Variants in ABCA4 observed in about 807,000 individuals in gnomAD.
ABCA4 encodes ATP binding cassette subfamily A member 4.
ABCA4 carries 196 observed loss-of-function variants against 263.7 expected under a neutral mutation model. The ratio of observed to expected loss-of-function variants is 0.74; its 90% CI spans 0.66 to 0.84. The LOEUF is 0.84. Ranked by LOEUF, ABCA4 falls within the 40% of genes least tolerant of loss-of-function variation. The pLI is 0.00. For synonymous variants in ABCA4, 1,133 were observed against 1,094.2 expected (o/e 1.04, Z -0.70); for missense variants, 2,792 against 2,855.1 (o/e 0.98, Z 0.50).
chr1:94,044,581 G>T lies in ABCA4; in HGVS notation c.3050+32C>A, dbSNP rs947813471. 1.5e-5 allele frequency: 24 copies of T among 1,614,188 alleles called. No homozygotes were observed. The East Asian group carries it at 5.1e-4, about 34-fold the overall frequency. ...GCTGGGGGCAGAGGTGAGGAGAGGG[G>T]ATGGGGCGGTCTCAGTTCCTGTGTC... On this transcript the variant is annotated intron_variant, in intron 20 of 49. Coordinates refer to ENST00000370225, the MANE Select transcript of ABCA4 (RefSeq NM_000350.3).
At chr1:93,996,062 GC>G (rs1658990006) in intron 49 of ABCA4, 46 bp downstream of exon 49, 2 of 1,571,444 alleles carry the variant, frequency 1.3e-6, no homozygotes, top group South Asian at 2.2e-5. Flanking sequence ...TGGGCTCTGA[GC>G]CAAGGAACTG....
intron 30 of ABCA4, among the ~76,000 whole-genome samples, chr1:94,027,811 C>A (rs1387853300): frequency 1.3e-5 from 2 of 152,172 alleles, no homozygotes; most frequent in Non-Finnish European, 2.9e-5. Context: ...AGCACATGTG[C>A]ACACTCTGCC....
intron 40 of ABCA4, among the ~76,000 whole-genome samples, chr1:94,010,339 TG>T (rs56664345): frequency 0.13 from 19,001 of 151,994 alleles, 1,178 homozygotes; most frequent in African/African-American, 0.14. Flanking sequence ...CCTCCAGGAG[TG>T]GGGGGTCGTG....
At chr1:94,050,726 T>C (rs886534586) in intron 17 of ABCA4, among the ~76,000 whole-genome samples, 1 of 152,004 alleles carries the variant, frequency 6.6e-6, no homozygotes, top group African/African-American at 2.4e-5. Flanking sequence ...GAAAAAATCC[T>C]GAGCTGTTAA....
chr1:94,063,255 G>C lies in ABCA4; in HGVS notation c.1617C>G (p.Leu539=), dbSNP rs778990662. The C allele has an allele frequency of 6.2e-7, 1 of 1,614,198 alleles. No homozygotes were observed. The part of the protein sequence containing the change: ...NDETQLTQRA[L]SLLEENMFWA... ...AGAACATGTTTTCCTCCAGTAGAGA[G>C]AGGGCACGTTGGGTGAGCTGAGTTT... The change falls in exon 12 of 50, where the codon CTC becomes CTG. Residue 539 remains leucine (L), a synonymous_variant. Coordinates refer to ENST00000370225, the MANE Select transcript of ABCA4 (RefSeq NM_000350.3).
At chr1:94,083,307 G>T in intron 7 of ABCA4, 45 bp downstream of exon 7, 1 of 1,443,048 alleles carries the variant, frequency 6.9e-7, no homozygotes, top group Non-Finnish European at 9.7e-7. Flanking sequence ...GGTAAATGGT[G>T]GAAAGACATA....
At chr1:94,117,521 T>A (rs970563647) in intron 1 of ABCA4, among the ~76,000 whole-genome samples, 1 of 152,110 alleles carries the variant, frequency 6.6e-6, no homozygotes, top group African/African-American at 2.4e-5. Context: ...GATGAAGGGA[T>A]GACACCAAGA....
At chr1:94,089,576 G>A (rs1174207451) in intron 6 of ABCA4, among the ~76,000 whole-genome samples, 1 of 150,906 alleles carries the variant, frequency 6.6e-6, no homozygotes, top group East Asian at 2.0e-4. Flanking sequence ...TGATTCTCCT[G>A]CTTCAGCCAC....
At position 94,036,795 on chromosome 1, in the gene ABCA4, A is replaced by G. The variant is rs1444153354; in HGVS notation, c.3814-7T>C. On this transcript the variant is annotated splice_polypyrimidine_tract_variant and splice_region_variant and intron_variant, in intron 25 of 49. Transcript: ENST00000370225. ...CCGTGACCTTCAGAAAAATCTGTCA[A>G]GAAGAAAAAAAGAGAGAATTTTGTT... is the stretch of plus-strand genomic sequence containing the variant. The G allele has an allele frequency of 6.2e-7, 1 of 1,613,856 alleles. No individual in the cohort carries two copies. The highest frequency in any genetic ancestry group is 2.2e-5 in the East Asian group (1 of 44,896).
In ABCA4 at chr1:94,007,709, C is replaced by T. The variant is rs867079318; in HGVS notation, c.5930G>A (p.Gly1977Asp). The T allele has an allele frequency of 6.2e-7, 1 of 1,614,006 alleles. No homozygotes were observed. The highest frequency in any genetic ancestry group is 1.7e-5 in the Admixed American group (1 of 60,018). Residue 1977 changes from glycine (G) to aspartate (D), a missense_variant, in exon 43 of 50, where the codon GGC becomes GAC. Transcript: ENST00000370225. ...GAGCATCTTGAATGTGGTTGTTTTG[C>T]CGGCACCATTCACTCCCAGGAGGCC... ...CFGLLGVNGA[G>D]KTTTFKMLTG...
chr1:94,023,315 T>C, intron 32 of ABCA4, 71 bp downstream of exon 32: 1 of 1,351,802 alleles, frequency 7.4e-7, no homozygotes, highest in Non-Finnish European at 1.0e-6. Flanking sequence ...AGGTGTGCCT[T>C]TTAAAAGTGT....
In ABCA4 at chr1:94,078,617, G is replaced by C; in HGVS notation, c.1329C>G (p.Asp443Glu). The C allele has an allele frequency of 7.4e-7, 1 of 1,354,344 alleles. No individual in the cohort carries two copies. Among genetic ancestry groups the C allele is most frequent in the Non-Finnish European group, 9.8e-7 (1 of 1,025,320 alleles). 83.9% of individuals were successfully genotyped at this position (1,354,344 alleles called of 1,614,324 possible). Residue 443 changes from aspartate (D) to glutamate (E), a missense_variant, in exon 10 of 50, where the codon GAC (aspartate) becomes GAG (glutamate). Coordinates refer to ENST00000370225, the MANE Select transcript of ABCA4 (RefSeq NM_000350.3). The part of the protein sequence containing the change: ...EVGPQIWYFF[D>E]NSTQMNMIRD... The stretch of plus-strand genomic sequence containing the variant: ...TGATCATGTTCATCTGTGTGCTGTT[G>C]TCAAAGAAGTACCAGATCTGGGGCC...
intron 48 of ABCA4, among the ~76,000 whole-genome samples, chr1:93,997,065 G>C (rs1185114206): frequency 6.6e-6 from 1 of 152,190 alleles, no homozygotes; most frequent in Admixed American, 6.5e-5. Context: ...TATCGGGGAT[G>C]GTGGTAACGG....
At position 94,030,564 on chromosome 1, in the gene ABCA4, C is replaced by T. The variant is rs17110898; in HGVS notation, c.4254-38G>A. 9,527 of 1,581,050 alleles carry T rather than the reference C, an allele frequency of 6.0e-3. 462 individuals are homozygous for T. The African/African-American group carries it at 0.11, about 18-fold the overall frequency. On this transcript the variant is annotated intron_variant, in intron 28 of 49. Transcript: ENST00000370225. ...AGACATGTGACTGGGACAGAGCAGG[C>T]GCGTGCCAACATCATGCAACTCAGA...
chr1:94,094,480 A>G (rs747387861), intron 6 of ABCA4, among the ~76,000 whole-genome samples: 14 of 152,206 alleles, frequency 9.2e-5, no homozygotes, highest in Non-Finnish European at 1.9e-4. Context: ...GGGACAGAAA[A>G]GAAAGCTGAA....
intron 7 of ABCA4, among the ~76,000 whole-genome samples, chr1:94,082,637 G>A (rs1257789476): frequency 1.3e-5 from 2 of 152,146 alleles, no homozygotes; most frequent in African/African-American, 4.8e-5. Context: ...AGTCAGCTGC[G>A]AATAATGGAG....
intron 7 of ABCA4, 85 bp from the exon 8 acceptor site, chr1:94,080,803 G>T (rs1661676496): frequency 3.2e-6 from 5 of 1,572,798 alleles, no homozygotes; most frequent in South Asian, 1.1e-5. Context: ...CGTTTGGTTT[G>T]ACTTCCACAT....
rs1037340485 is a variant in ABCA4, at chr1:94,060,692, T to C, written c.2005A>G (p.Met669Val). The C allele has an allele frequency of 6.2e-7, 1 of 1,614,096 alleles. No homozygotes were observed. The highest frequency in any genetic ancestry group is 8.5e-7 in the Non-Finnish European group (1 of 1,180,016). Residue 669 changes from methionine (M) to valine (V), a missense_variant, in exon 14 of 50, where the codon ATG becomes GTG. By Grantham distance (21) the Met-to-Val change is conservative. Coordinates refer to ENST00000370225, the MANE Select transcript of ABCA4 (RefSeq NM_000350.3). ...TCCAAGACGATGCTCTTCACAGTCA[T>C]GGAGACAGAGTAGATCCATGCCAGC... ...MVLAWIYSVS[M>V]TVKSIVLEKE...
rs751032815 is a variant in ABCA4, at chr1:94,083,472, T to TAC, written c.769-32_769-31insGT. On this transcript the variant is annotated intron_variant, in intron 6 of 49. Coordinates refer to ENST00000370225, the MANE Select transcript of ABCA4 (RefSeq NM_000350.3). ...ATTGACAGTAAAACAATTTTTTAAATATATATATGTTTGTAGGTATATACA... is the reference window on the plus strand; with the variant it reads ...ATTGACAGTAAAACAATTTTTTAAATACATATATATGTTTGTAGGTATATACA... The TAC allele has an allele frequency of 5.3e-5, 82 of 1,547,058 alleles. No homozygotes were observed. In the African/African-American group the frequency reaches 1.0e-3, roughly 19 times the overall value.
Sources: gnomAD v4.1 joint callset for allele counts (sites outside exome capture counted in the v4.1 genomes callset) on GRCh38, gnomAD v4.1.1 for gene constraint, MANE v1.5 for transcripts, NCBI Gene and HGNC (gene_info 2026-07-23, HGNC 2026-07-21) for gene names.